PCDHGB3: variants seen among roughly 807,000 people sequenced by gnomAD.
PCDHGB3 encodes protocadherin gamma-B3.
A neutral mutation model predicts 59.2 loss-of-function variants in PCDHGB3; 40 were observed. That is an observed-to-expected ratio of 0.68 (90% CI 0.52 to 0.88). The LOEUF is 0.88. Among genes scored for constraint, PCDHGB3 ranks in the 40% least tolerant of loss-of-function variants. The pLI is 0.00. For synonymous variants in PCDHGB3, 581 were observed against 503.6 expected, an observed-to-expected ratio of 1.15 and a Z score of -2.06; for missense variants, 1,309 against 1,187.9, an observed-to-expected ratio of 1.10 and a Z score of -1.50.
At chr5:141,375,177 T>C in intron 1 of PCDHGB3, 1 of 1,614,004 alleles carries the variant, frequency 6.2e-7, no homozygotes, top group Non-Finnish European at 8.5e-7. Flanking sequence ...CCAGGAACAG[T>C]AATCGCCCTT....
In PCDHGB3 at chr5:141,403,896, A is replaced by T. The variant is rs2094466164; in HGVS notation, c.2415+31087A>T. 6.2e-7 allele frequency: 1 copy of T among 1,613,866 alleles called. No individual in the cohort carries two copies. On this transcript the variant is annotated intron_variant, in intron 1 of 3. Transcript: ENST00000576222. The stretch of plus-strand genomic sequence containing the variant: ...CTAGATTATGAAGAATGTTCATTTT[A>T]TGAAATGGAAATACAAGCTGAAGAT...
In PCDHGB3 at chr5:141,489,180, C is replaced by T. The variant is rs942218118; in HGVS notation, c.2416-5627C>T. 7.9e-7 allele frequency: 1 copy of T among 1,259,748 alleles called. No homozygotes were observed. The highest frequency in any genetic ancestry group is 2.0e-4 in the Middle Eastern group (1 of 5,096). The allele number at this position is 1,259,748 out of a possible 1,614,324, so 78.0% of individuals were successfully genotyped here. A position where few individuals can be genotyped will look rare whatever the true frequency, so the allele number is the denominator to read the frequency against. On this transcript the variant is annotated intron_variant, in intron 1 of 3. Coordinates refer to ENST00000576222, the MANE Select transcript of PCDHGB3 (RefSeq NM_018924.5). This position sits in a 1 kb window ranked among gnomAD's most constrained non-coding sequence, Gnocchi z 4.5. ...GACTTCAGCTGCTGCATTCCAAGCCCTGGGTCTACCTTGGAGACAGGACAG... is the reference window on the plus strand; with the variant it reads ...GACTTCAGCTGCTGCATTCCAAGCCTTGGGTCTACCTTGGAGACAGGACAG...
At chr5:141,390,536 C>T (rs2092171598) in intron 1 of PCDHGB3, 1 of 522,874 alleles carries the variant, frequency 1.9e-6, no homozygotes, top group Non-Finnish European at 3.4e-6. Context: ...TGGTTTTAAC[C>T]ACAAAGTGAA....
chr5:141,409,608 C>T, intron 1 of PCDHGB3: 18 of 1,613,942 alleles, frequency 1.1e-5, no homozygotes, highest in Non-Finnish European at 1.4e-5. Flanking sequence ...CCGCCAGGAG[C>T]CTCCATTGCG....
intron 2 of PCDHGB3, among the ~76,000 whole-genome samples, chr5:141,495,107 AC>A (rs1422274779): frequency 1.3e-5 from 2 of 152,048 alleles, no homozygotes; most frequent in Non-Finnish European, 2.9e-5. Context: ...CACGACCGGC[AC>A]CTTTTCCTAT....
chr5:141,409,369 C>T, intron 1 of PCDHGB3: 1 of 1,613,986 alleles, frequency 6.2e-7, no homozygotes, highest in Non-Finnish European at 8.5e-7. Flanking sequence ...TAGAAACAGA[C>T]ATTCCATTCA....
intron 1 of PCDHGB3, chr5:141,375,760 G>T (rs779640846): frequency 1.2e-6 from 2 of 1,614,118 alleles, no homozygotes; most frequent in Admixed American, 1.7e-5. Context: ...ATGACAATGC[G>T]CCCGAGATCC....
At chr5:141,478,165 C>G (rs780594020) in intron 1 of PCDHGB3, 13 of 1,613,920 alleles carry the variant, frequency 8.1e-6, no homozygotes, top group African/African-American at 1.3e-5. Flanking sequence ...GCTCTGCCCC[C>G]CGGGAGCAGA....
Position 141,431,756 on chromosome 5 carries a change from G to T in PCDHGB3, c.2415+58947G>T. The T allele has an allele frequency of 6.2e-7, 1 of 1,614,236 alleles. No individual in the cohort carries two copies. Among genetic ancestry groups the T allele is most frequent in the South Asian group, 1.1e-5 (1 of 91,088 alleles). On this transcript the variant is annotated intron_variant, in intron 1 of 3. Transcript: ENST00000576222. This position sits in a 1 kb window ranked among gnomAD's most constrained non-coding sequence, Gnocchi z 4.8. Reference sequence around the variant, plus strand: ...TGCAGGATATTCTGCGCGAGCCAAAGTCCTGATCACTGTTCTGGACGTGAA... The same window carrying T: ...TGCAGGATATTCTGCGCGAGCCAAATTCCTGATCACTGTTCTGGACGTGAA...
chr5:141,455,492 T>G (rs958076901), intron 1 of PCDHGB3, among the ~76,000 whole-genome samples: 10 of 152,188 alleles, frequency 6.6e-5, no homozygotes, highest in Non-Finnish European at 1.2e-4. Context: ...GGAGGTGATG[T>G]CTGATTTGCA....
rs201458472 is a variant in PCDHGB3 at position 141,403,860 on chromosome 5, C to T, written c.2415+31051C>T. 1.5e-5 allele frequency: 25 copies of T among 1,613,382 alleles called. No individual in the cohort carries two copies. In the Admixed American group the frequency reaches 2.7e-4, roughly 17 times the overall value. Reference sequence around the variant, plus strand: ...AATGAAAATACTGGGGAAATATCAACAGCAAAAAGTCTAGATTATGAAGAA... The same window carrying T: ...AATGAAAATACTGGGGAAATATCAATAGCAAAAAGTCTAGATTATGAAGAA... On this transcript the variant is annotated intron_variant, in intron 1 of 3. Coordinates refer to ENST00000576222, the MANE Select transcript of PCDHGB3 (RefSeq NM_018924.5).
At chr5:141,390,405 T>C in intron 1 of PCDHGB3, 1 of 1,264,524 alleles carries the variant, frequency 7.9e-7, no homozygotes, top group Non-Finnish European at 1.1e-6. Flanking sequence ...TTTAGGAAAG[T>C]TGTAGTCAGT....
At chr5:141,462,833 A>G (rs1488609568) in intron 1 of PCDHGB3, among the ~76,000 whole-genome samples, 1 of 152,082 alleles carries the variant, frequency 6.6e-6, no homozygotes, top group Non-Finnish European at 1.5e-5. Flanking sequence ...GACATTGTAA[A>G]TGTTATATTT....
chr5:141,413,588 A>G, intron 1 of PCDHGB3: 1 of 1,613,922 alleles, frequency 6.2e-7, no homozygotes, highest in Non-Finnish European at 8.5e-7. Context: ...CCAAAATTCC[A>G]AGCAGAAAAT....
intron 2 of PCDHGB3, among the ~76,000 whole-genome samples, chr5:141,501,223 T>G (rs1247662371): frequency 6.6e-6 from 1 of 151,280 alleles, no homozygotes; most frequent in African/African-American, 2.4e-5. Flanking sequence ...CTTCCTAGAT[T>G]TCTCAGTTTT....
intron 1 of PCDHGB3, among the ~76,000 whole-genome samples, chr5:141,406,925 GTAT>G (rs2094866637): frequency 6.6e-6 from 1 of 152,150 alleles, no homozygotes; most frequent in South Asian, 2.1e-4. Flanking sequence ...AGAGAATAAT[GTAT>G]TATTTAATGT....
At chr5:141,480,285 T>C (rs1369369395) in intron 1 of PCDHGB3, among the ~76,000 whole-genome samples, 1 of 151,924 alleles carries the variant, frequency 6.6e-6, no homozygotes, top group East Asian at 1.9e-4. Flanking sequence ...TGTGTTGGCA[T>C]GCACCTGTGG....
chr5:141,422,976 G>A lies in PCDHGB3; in HGVS notation c.2415+50167G>A, dbSNP rs558006468. On this transcript the variant is annotated intron_variant, in intron 1 of 3. Transcript: ENST00000576222. The stretch of plus-strand genomic sequence containing the variant: ...GCGTGGAGCTGGCGCCCCGCTCTGC[G>A]GAACCTGGCTACCTGGTGACCAAGG... 27 of 1,614,212 alleles carry A rather than the reference G, an allele frequency of 1.7e-5. No homozygotes were observed. In the East Asian group the frequency reaches 4.7e-4, roughly 28 times the overall value.
At chr5:141,419,554 T>C (rs775925543) in intron 1 of PCDHGB3, 1 of 1,612,006 alleles carries the variant, frequency 6.2e-7, no homozygotes, top group Non-Finnish European at 8.5e-7. Flanking sequence ...TGCTGTACCC[T>C]GCGCTGGGTC....
Sources: allele counts gnomAD v4.1 joint callset (sites outside exome capture counted in the v4.1 genomes callset), GRCh38; gene constraint gnomAD v4.1.1; non-coding constraint Gnocchi (gnomAD v3.1); transcripts MANE v1.5; gene names NCBI Gene and HGNC (gene_info 2026-07-23, HGNC 2026-07-21).